Variants in AGBL4 observed in about 807,000 individuals in gnomAD.
The protein encoded by AGBL4 is AGBL carboxypeptidase 4, also known as cytosolic carboxypeptidase 6.
In AGBL4, 58 loss-of-function variants were observed where a neutral mutation model predicts 66.4. That is an observed-to-expected ratio of 0.87 (90% confidence interval 0.71 to 1.09). AGBL4 has a LOEUF of 1.09. AGBL4 is among the 50% of genes least tolerant of loss of function. AGBL4 has a pLI of 0.00. For synonymous variants in AGBL4, 234 were observed against 222.9 expected, an observed-to-expected ratio of 1.05 and a Z score of -0.44; for missense variants, 579 against 631.0, an observed-to-expected ratio of 0.92 and a Z score of 0.88.
At chr1:48,816,054 T>C (rs1159726076) in intron 6 of AGBL4, among the ~76,000 whole-genome samples, 1 of 38,696 alleles carries the variant, frequency 2.6e-5, no homozygotes. Context: ...TTTGTGTGTG[T>C]GTGTGTGTGT....
At chr1:49,314,794 A>G (rs1226214436) in intron 3 of AGBL4, among the ~76,000 whole-genome samples, 2 of 152,110 alleles carry the variant, frequency 1.3e-5, no homozygotes, top group Non-Finnish European at 2.9e-5. Context: ...TAGATCCTTA[A>G]GGAATCACCA....
At chr1:49,787,069 T>A (rs1221131022) in intron 2 of AGBL4, among the ~76,000 whole-genome samples, 2 of 152,144 alleles carry the variant, frequency 1.3e-5, no homozygotes, top group South Asian at 2.1e-4. Flanking sequence ...AAGTCCCCCC[T>A]GTAACAGTGA....
chr1:49,289,609 C>G (rs1644495923), intron 3 of AGBL4, among the ~76,000 whole-genome samples: 1 of 152,134 alleles, frequency 6.6e-6, no homozygotes, highest in African/African-American at 2.4e-5. Context: ...TGTACATTTT[C>G]TACCCACATA....
chr1:48,816,477 T>A (rs575931168), intron 6 of AGBL4, among the ~76,000 whole-genome samples: 1 of 152,264 alleles, frequency 6.6e-6, no homozygotes, highest in Admixed American at 6.5e-5. Context: ...TAGGTATATG[T>A]TGAATGAGGT....
chr1:48,992,732 T>G (rs560074006), intron 5 of AGBL4, among the ~76,000 whole-genome samples: 2 of 152,152 alleles, frequency 1.3e-5, no homozygotes, highest in East Asian at 3.9e-4. Flanking sequence ...CCCCTTTCCA[T>G]AAGCAGAGGC....
intron 4 of AGBL4, among the ~76,000 whole-genome samples, chr1:49,105,813 C>T (rs1454954324): frequency 5.9e-5 from 9 of 152,192 alleles, no homozygotes; most frequent in Non-Finnish European, 1.2e-4. Flanking sequence ...ACTCTTAGCA[C>T]AGTGTCTGAC....
intron 4 of AGBL4, among the ~76,000 whole-genome samples, chr1:49,133,652 T>C (rs1645946496): frequency 6.6e-6 from 1 of 152,130 alleles, no homozygotes; most frequent in African/African-American, 2.4e-5. Context: ...TGTATATTGG[T>C]AAACATATTT....
chr1:49,547,363 T>C (rs1188486249), intron 3 of AGBL4, among the ~76,000 whole-genome samples: 1 of 152,216 alleles, frequency 6.6e-6, no homozygotes, highest in Non-Finnish European at 1.5e-5. Flanking sequence ...TTGGCCTATG[T>C]ACCTATTTTT....
intron 5 of AGBL4, among the ~76,000 whole-genome samples, chr1:48,873,153 A>C (rs994784522): frequency 1.3e-5 from 2 of 152,206 alleles, no homozygotes; most frequent in Admixed American, 1.3e-4. Context: ...ACAAAATCTT[A>C]GCCTTAGGTG....
At chr1:48,760,789 G>C (rs1441125374) in intron 6 of AGBL4, among the ~76,000 whole-genome samples, 1 of 152,180 alleles carries the variant, frequency 6.6e-6, no homozygotes, top group Non-Finnish European at 1.5e-5. Context: ...AAAACAGCTA[G>C]CTTGCCGAAC....
intron 4 of AGBL4, among the ~76,000 whole-genome samples, chr1:49,125,801 G>C (rs1478905026): frequency 1.3e-5 from 2 of 152,114 alleles, no homozygotes; most frequent in African/African-American, 4.8e-5. Context: ...ATTAGAGTTT[G>C]AGCCCAAATC....
chr1:49,200,472 C>T (rs138651862), intron 4 of AGBL4, among the ~76,000 whole-genome samples: 1 of 152,216 alleles, frequency 6.6e-6, no homozygotes, highest in East Asian at 1.9e-4. Flanking sequence ...AGTGTCAGAT[C>T]CCACAGGTTG....
chr1:49,357,380 C>A (rs962672181), intron 3 of AGBL4, among the ~76,000 whole-genome samples: 1 of 152,142 alleles, frequency 6.6e-6, no homozygotes, highest in Admixed American at 6.5e-5. Context: ...TACATCCAGA[C>A]CCAGGCTCTA....
At chr1:48,914,822 AAGGAAG>A (rs1007534594) in intron 5 of AGBL4, among the ~76,000 whole-genome samples, 7 of 152,314 alleles carry the variant, frequency 4.6e-5, no homozygotes, top group Admixed American at 2.0e-4. Flanking sequence ...TCTGACACAT[AAGGAAG>A]AGGAAGAGGA....
chr1:49,874,466 T>A (rs1008076529), intron 1 of AGBL4, among the ~76,000 whole-genome samples: 1 of 152,236 alleles, frequency 6.6e-6, no homozygotes, highest in East Asian at 1.9e-4. Flanking sequence ...AAAAACCCAA[T>A]AAAGTTTATC....
chr1:49,288,393 C>T (rs1644466229), intron 3 of AGBL4, among the ~76,000 whole-genome samples: 1 of 151,416 alleles, frequency 6.6e-6, no homozygotes, highest in African/African-American at 2.4e-5. Flanking sequence ...AAGTACCAGG[C>T]CAAAATTTAA....
At chr1:49,938,940 T>C (rs1654427076) in intron 1 of AGBL4, among the ~76,000 whole-genome samples, 1 of 152,098 alleles carries the variant, frequency 6.6e-6, no homozygotes, top group Admixed American at 6.6e-5. Flanking sequence ...CATGATTGTA[T>C]ATCTAGAAAA....
intron 3 of AGBL4, among the ~76,000 whole-genome samples, chr1:49,517,086 G>A (rs1243483687): frequency 1.3e-5 from 2 of 151,940 alleles, no homozygotes; most frequent in Non-Finnish European, 2.9e-5. Flanking sequence ...GCTGGGTGGG[G>A]AAGGCAGCTG....
At chr1:48,828,229 T>TCC in intron 6 of AGBL4, among the ~76,000 whole-genome samples, 1 of 151,202 alleles carries the variant, frequency 6.6e-6, no homozygotes, top group Non-Finnish European at 1.5e-5. Flanking sequence ...TTCAAATCTC[T>TCC]CCCACCTCAT....
Sources: gnomAD v4.1 joint callset for allele counts (sites outside exome capture counted in the v4.1 genomes callset) on GRCh38, gnomAD v4.1.1 for gene constraint, MANE v1.5 for transcripts, NCBI Gene and HGNC (gene_info 2026-07-23, HGNC 2026-07-21) for gene names.